The following CADM2 variants were observed in gnomAD, a reference collection of about 807,000 sequenced individuals.
CADM2 encodes cell adhesion molecule 2.
Under a neutral mutation model 49.8 loss-of-function variants are expected in CADM2, and 12 were observed. That is an observed-to-expected ratio of 0.24 (90% CI 0.15 to 0.39). CADM2 has a LOEUF of 0.39. Among genes scored for constraint, CADM2 ranks in the 10% least tolerant of loss-of-function variants. CADM2 has a pLI of 1.00. For missense variants in CADM2, 378 were observed against 492.3 expected (o/e 0.77, Z 2.20); for synonymous variants, 214 against 175.4 (o/e 1.22, Z -1.74).
chr3:86,065,760 G>A, intron 9 of CADM2, 30 bp downstream of exon 9: 1 of 1,608,166 alleles, frequency 6.2e-7, no homozygotes, highest in African/African-American at 1.3e-5. Context: ...AGTACACAAT[G>A]TGGGCAAAAT....
chr3:85,175,578 G>T (rs1275197244), intron 1 of CADM2, among the ~76,000 whole-genome samples: 1 of 152,074 alleles, frequency 6.6e-6, no homozygotes, highest in Non-Finnish European at 1.5e-5. Context: ...GTTACCAAGG[G>T]CTGGTGGGAG....
intron 1 of CADM2, among the ~76,000 whole-genome samples, chr3:85,359,666 A>ATATATATATTTTTTTTTTTTT: frequency 3.8e-5 from 1 of 26,552 alleles, no homozygotes; most frequent in African/African-American, 1.1e-4. Flanking sequence ...ATATATATAT[A>ATATATATATTTTTTTTTTTTT]TTTTTTTTTT....
chr3:85,652,772 C>CTTCTTTTTTTTTTTTTT (rs2065083654), intron 1 of CADM2, among the ~76,000 whole-genome samples: 1 of 50,782 alleles, frequency 2.0e-5, no homozygotes, highest in Non-Finnish European at 3.5e-5. Context: ...TTTTTCTTTT[C>CTTCTTTTTTTTTTTTTT]TTTTTTTTTT....
At chr3:85,148,149 A>G (rs2039809404) in intron 1 of CADM2, among the ~76,000 whole-genome samples, 1 of 152,194 alleles carries the variant, frequency 6.6e-6, no homozygotes, top group South Asian at 2.1e-4. Context: ...GTCAGGTTGA[A>G]AAAGGCATTA....
At chr3:85,606,757 A>G (rs796959523) in intron 1 of CADM2, among the ~76,000 whole-genome samples, 13 of 152,232 alleles carry the variant, frequency 8.5e-5, no homozygotes, top group African/African-American at 3.1e-4. Context: ...AAGGCAAAGT[A>G]ATGGAAGCGA....
intron 2 of CADM2, among the ~76,000 whole-genome samples, chr3:85,737,610 T>G (rs1264906199): frequency 6.7e-6 from 1 of 149,416 alleles, no homozygotes; most frequent in African/African-American, 2.5e-5. Flanking sequence ...CAGGCTGGAG[T>G]GCAGTGGTGC....
At chr3:85,549,029 A>G in intron 1 of CADM2, among the ~76,000 whole-genome samples, 1 of 152,200 alleles carries the variant, frequency 6.6e-6, no homozygotes, top group East Asian at 1.9e-4. Context: ...TTAATTGGAT[A>G]AATACCTGAA....
chr3:85,717,265 TG>T (rs1163147704), intron 1 of CADM2, among the ~76,000 whole-genome samples: 3 of 152,198 alleles, frequency 2.0e-5, no homozygotes, highest in Non-Finnish European at 4.4e-5. Context: ...CAATTGTGAA[TG>T]GGACTTTGCT....
At chr3:85,366,653 A>C (rs2107301371) in intron 1 of CADM2, among the ~76,000 whole-genome samples, 1 of 152,306 alleles carries the variant, frequency 6.6e-6, no homozygotes, top group South Asian at 2.1e-4. Flanking sequence ...TTAATAAACT[A>C]ACTTTCTAGT....
intron 1 of CADM2, among the ~76,000 whole-genome samples, chr3:85,496,504 C>T (rs964954636): frequency 2.0e-5 from 3 of 152,118 alleles, no homozygotes; most frequent in South Asian, 2.1e-4. Context: ...AATGAACATA[C>T]GAATGCATGT....
chr3:86,068,186 T>C lies in CADM2; in HGVS notation c.*1403T>C, dbSNP rs1739531276. On this transcript the variant is annotated 3_prime_UTR_variant, in exon 10 of 10. Coordinates refer to ENST00000383699, the MANE Select transcript of CADM2 (RefSeq NM_001167675.2). ...AGTGAGTGATAGAGAATTTCTGCCATGCTTTTAACTCCAAAGTGAAAGTCT... is the reference window on the plus strand; with the variant it reads ...AGTGAGTGATAGAGAATTTCTGCCACGCTTTTAACTCCAAAGTGAAAGTCT... The C allele has an allele frequency of 6.6e-6, 1 of 152,450 alleles. No homozygotes were observed. The allele number at this position is 152,450 out of a possible 1,614,324, so 9.4% of individuals were successfully genotyped here.
chr3:85,004,755 C>A (rs568518537), intron 1 of CADM2, among the ~76,000 whole-genome samples: 1 of 152,242 alleles, frequency 6.6e-6, no homozygotes, highest in Admixed American at 6.5e-5. Context: ...TCATGAATAT[C>A]ATTTTAAGCC....
chr3:85,032,994 TATC>T lies in CADM2; in HGVS notation c.61+73329_61+73331del, dbSNP rs535803481. On this transcript the variant is annotated intron_variant, in intron 1 of 9. Coordinates refer to ENST00000383699, the MANE Select transcript of CADM2 (RefSeq NM_001167675.2). ...TTCTCTCTATATATCTTTTTTTAGT[TATC>T]ATTGTTTGCATAGAGGAAAAGAGAG... Among the ~76,000 whole-genome samples the T allele has an allele frequency of 2.4e-3, 373 of 152,246 alleles. 4 individuals carry two copies. Among genetic ancestry groups the T allele is most frequent in the African/African-American group, 8.7e-3 (363 of 41,560 alleles).
At chr3:85,313,757 A>G (rs1272697529) in intron 1 of CADM2, among the ~76,000 whole-genome samples, 3 of 152,186 alleles carry the variant, frequency 2.0e-5, no homozygotes, top group Non-Finnish European at 2.9e-5. Flanking sequence ...TTAATTCTTC[A>G]TGAGTTATAG....
At chr3:85,778,904 C>T (rs72906501) in intron 2 of CADM2, among the ~76,000 whole-genome samples, 6,124 of 152,230 alleles carry the variant, frequency 0.04, 392 homozygotes, top group African/African-American at 0.14. Context: ...TACACTTTAT[C>T]TTCATTGTGC....
At chr3:85,896,771 C>A (rs1357799950) in intron 5 of CADM2, among the ~76,000 whole-genome samples, 4 of 152,124 alleles carry the variant, frequency 2.6e-5, no homozygotes, top group Non-Finnish European at 4.4e-5. Flanking sequence ...TTCAAGTTGG[C>A]AAAATATAGC....
intron 1 of CADM2, among the ~76,000 whole-genome samples, chr3:85,204,953 T>C (rs2041595946): frequency 1.3e-5 from 2 of 151,866 alleles, no homozygotes; most frequent in African/African-American, 4.8e-5. Flanking sequence ...ATAATGAATT[T>C]AGCACTGAGA....
chr3:85,156,047 C>T (rs2040106584), intron 1 of CADM2, among the ~76,000 whole-genome samples: 1 of 152,134 alleles, frequency 6.6e-6, no homozygotes, highest in Non-Finnish European at 1.5e-5. Flanking sequence ...GACACCCTAA[C>T]ATCACAATTA....
intron 1 of CADM2, among the ~76,000 whole-genome samples, chr3:85,404,292 C>T (rs1478394781): frequency 6.6e-6 from 1 of 152,026 alleles, no homozygotes; most frequent in Non-Finnish European, 1.5e-5. Flanking sequence ...TGACTTTGTG[C>T]CCTTGGGACC....
Sources: allele counts gnomAD v4.1 joint callset (sites outside exome capture counted in the v4.1 genomes callset), GRCh38; gene constraint gnomAD v4.1.1; transcripts MANE v1.5; gene names NCBI Gene and HGNC (gene_info 2026-07-23, HGNC 2026-07-21).